DOCK8: variants seen among roughly 807,000 people sequenced by gnomAD.
DOCK8 encodes dedicator of cytokinesis protein 8.
DOCK8 carries 141 observed loss-of-function variants against 245.6 expected under a neutral mutation model. That is an observed-to-expected ratio of 0.57 (90% CI 0.50 to 0.66). The LOEUF is 0.66. Ranked by LOEUF, DOCK8 falls within the 30% of genes least tolerant of loss-of-function variation. The pLI is 0.00. For missense variants in DOCK8, 2,965 were observed against 2,603.4 expected (o/e 1.14, Z -3.02); for synonymous variants, 1,168 against 970.2 (o/e 1.20, Z -3.79).
intron 26 of DOCK8, among the ~76,000 whole-genome samples, chr9:400,952 A>ATCACCACCACCT: frequency 1.5e-5 from 1 of 67,484 alleles, no homozygotes; most frequent in South Asian, 7.0e-4. Context: ...CACCATCACC[A>ATCACCACCACCT]CCACCACCAC....
At chr9:453,159 C>T (rs1340555621) in intron 46 of DOCK8, among the ~76,000 whole-genome samples, 2 of 152,146 alleles carry the variant, frequency 1.3e-5, no homozygotes, top group African/African-American at 4.8e-5. Flanking sequence ...GCGAGAGGTC[C>T]GCAATTTTGC....
chr9:395,768 A>C (rs1276482019), intron 24 of DOCK8, among the ~76,000 whole-genome samples: 1 of 152,152 alleles, frequency 6.6e-6, no homozygotes, highest in East Asian at 1.9e-4. Context: ...ATGTCCAAAA[A>C]ATAAGCATGA....
chr9:243,772 T>C (rs2047435118), intron 1 of DOCK8, among the ~76,000 whole-genome samples: 1 of 151,970 alleles, frequency 6.6e-6, no homozygotes, highest in Non-Finnish European at 1.5e-5. Context: ...TTTCTCAGAG[T>C]GTGTCAATGA....
rs558305298 is a variant in DOCK8, at chr9:380,075, T to C, written c.2605+140T>C. ...ACCCCAGCACTCTAGGAGGCTGAGA[T>C]GGCAGGATCGCTTGGAGCAGTGGCT... On this transcript the variant is annotated intron_variant, in intron 21 of 47. Coordinates refer to ENST00000432829, the MANE Select transcript of DOCK8 (RefSeq NM_203447.4). 4.5e-4 allele frequency: 304 copies of C among 668,582 alleles called. 3 individuals carry two copies. The African/African-American group carries it at 4.6e-3, about 10-fold the overall frequency. The allele number at this position is 668,582 out of a possible 1,614,324, so 41.4% of individuals were successfully genotyped here.
chr9:288,384 A>G (rs1563879354), intron 3 of DOCK8, among the ~76,000 whole-genome samples: 1 of 152,186 alleles, frequency 6.6e-6, no homozygotes, highest in Non-Finnish European at 1.5e-5. Flanking sequence ...TCCCTGCTCC[A>G]CCACTTGCTG....
At position 289,384 on chromosome 9, in the gene DOCK8, A is replaced by C. The variant is rs1190481362; in HGVS notation, c.333-126A>C. 1.0e-5 allele frequency: 8 copies of C among 764,746 alleles called. No homozygotes were observed. In the East Asian group the frequency reaches 2.2e-4, roughly 21 times the overall value. 47.4% of individuals were successfully genotyped at this position (764,746 alleles called of 1,614,324 possible). On this transcript the variant is annotated intron_variant, in intron 3 of 47. Coordinates refer to ENST00000432829, the MANE Select transcript of DOCK8 (RefSeq NM_203447.4). ...CTTCAGACATTTGGAATGATTGGGCAAGAACATCCTAAGCATTCTCACTGA... is the reference window on the plus strand; with the variant it reads ...CTTCAGACATTTGGAATGATTGGGCCAGAACATCCTAAGCATTCTCACTGA...
At chr9:370,431 C>A in intron 16 of DOCK8, 131 bp downstream of exon 16, 1 of 791,480 alleles carries the variant, frequency 1.3e-6, no homozygotes, top group Non-Finnish European at 2.2e-6. Context: ...GAAATCCATG[C>A]CAGTTCCGTG....
In DOCK8 at chr9:397,951, CAT is replaced by C. The variant is rs563260501; in HGVS notation, c.3120+1023_3120+1024del. Among the ~76,000 whole-genome samples the C allele has an allele frequency of 4.6e-3, 705 of 152,266 alleles. 4 individuals carry two copies. The highest frequency in any genetic ancestry group is 7.5e-3 in the Non-Finnish European group (508 of 68,006). Reference sequence around the variant, plus strand: ...AATTGTTTCAGAATAAAAGCTAAAACATATATAAAATGGAATAAATCAAATGT... The same window carrying C: ...AATTGTTTCAGAATAAAAGCTAAAACATATAAAATGGAATAAATCAAATGT... On this transcript the variant is annotated intron_variant, in intron 25 of 47. Transcript: ENST00000432829.
chr9:386,802 T>C (rs953568335), intron 23 of DOCK8, among the ~76,000 whole-genome samples: 1 of 152,222 alleles, frequency 6.6e-6, no homozygotes, highest in Non-Finnish European at 1.5e-5. Flanking sequence ...ACCACTGCAT[T>C]GGCCTCCTTT....
intron 38 of DOCK8, 31 bp from the exon 39 acceptor site, chr9:434,752 C>A: frequency 6.2e-7 from 1 of 1,612,034 alleles, no homozygotes; most frequent in Non-Finnish European, 8.5e-7. Flanking sequence ...CCACTGTCCT[C>A]AAAACTACTT....
At chr9:255,393 C>A (rs919763540) in intron 1 of DOCK8, among the ~76,000 whole-genome samples, 1 of 152,066 alleles carries the variant, frequency 6.6e-6, no homozygotes. Flanking sequence ...ACAGGCAGAG[C>A]GCGGTGGCTC....
At chr9:325,795 C>A (rs1429782430) in intron 8 of DOCK8, 58 bp downstream of exon 8, 1 of 1,434,424 alleles carries the variant, frequency 7.0e-7, no homozygotes, top group Non-Finnish European at 9.6e-7. Flanking sequence ...TGATTCTTTG[C>A]ATGTATGTTT....
chr9:247,933 G>T (rs191788209), intron 1 of DOCK8, among the ~76,000 whole-genome samples: 116 of 150,120 alleles, frequency 7.7e-4, no homozygotes, highest in African/African-American at 2.7e-3. Flanking sequence ...CTGTTTCATT[G>T]CCCCAATGTA....
chr9:445,527 T>C (rs1423408491), intron 43 of DOCK8, among the ~76,000 whole-genome samples: 2 of 152,236 alleles, frequency 1.3e-5, no homozygotes, highest in East Asian at 3.8e-4. Context: ...TCAGTTTTGG[T>C]GTTTAGTTCT....
chr9:305,758 A>T (rs1018224267), intron 5 of DOCK8, among the ~76,000 whole-genome samples: 5 of 152,206 alleles, frequency 3.3e-5, no homozygotes, highest in African/African-American at 1.2e-4. Flanking sequence ...GCAAGCCTTC[A>T]TTTGCATAAA....
intron 23 of DOCK8, among the ~76,000 whole-genome samples, chr9:390,056 CAACT>C (rs141483523): frequency 0.043 from 6,592 of 151,988 alleles, 198 homozygotes; most frequent in African/African-American, 0.071. Flanking sequence ...TGCCACCAAC[CAACT>C]GATTTTATGG....
intron 1 of DOCK8, among the ~76,000 whole-genome samples, chr9:248,890 A>G (rs1007687059): frequency 2.6e-5 from 4 of 152,190 alleles, no homozygotes; most frequent in African/African-American, 9.6e-5. Context: ...CATAATCTTA[A>G]GGATGGACAT....
chr9:255,668 C>CGAAAAAAAAAAAAAAAA lies in DOCK8; in HGVS notation c.54-15959_54-15958insGAAAAAAAAAAAAAAAA, dbSNP rs1563844740. Reference sequence around the variant, plus strand: ...GGGGGATAGAGCAAGACTCCATCTCCAAAAAAAAAAAAAAAAAAAAAAAAA... The same window carrying CGAAAAAAAAAAAAAAAA: ...GGGGGATAGAGCAAGACTCCATCTCCGAAAAAAAAAAAAAAAAAAAAAAAAAAAAAAAAAAAAAAAAA... On this transcript the variant is annotated intron_variant, in intron 1 of 47. Transcript: ENST00000432829. Among the ~76,000 whole-genome samples the CGAAAAAAAAAAAAAAAA allele has an allele frequency of 8.5e-5, 2 of 23,504 alleles. 1 individual carries two copies. The allele number at this position is 23,504 out of a possible 152,430, so 15.4% of individuals were successfully genotyped here.
rs770754973 is a variant in DOCK8 at position 420,964 on chromosome 9, G to T, written c.4039G>T (p.Asp1347Tyr). The change falls in exon 32 of 48, where the codon GAC becomes TAC. Residue 1347 changes from aspartate to tyrosine, a missense_variant. By Grantham distance (160) the Asp-to-Tyr change is radical. Coordinates refer to ENST00000432829, the MANE Select transcript of DOCK8 (RefSeq NM_203447.4). The stretch of plus-strand genomic sequence containing the variant: ...TCTTGTCCAGGGAAAACAGAGTTCT[G>T]ACAAAGTCAGTACCCAAGTCCTGCA... ...CFEYKGKQSS[D>Y]KVSTQVLQKS... is the part of the protein sequence containing the mutation. 6.2e-7 allele frequency: 1 copy of T among 1,614,196 alleles called. No individual in the cohort carries two copies. Among genetic ancestry groups the T allele is most frequent in the East Asian group, 2.2e-5 (1 of 44,882 alleles).
Sources: gnomAD v4.1 joint callset for allele counts (sites outside exome capture counted in the v4.1 genomes callset) on GRCh38, gnomAD v4.1.1 for gene constraint, MANE v1.5 for transcripts, NCBI Gene and HGNC (gene_info 2026-07-23, HGNC 2026-07-21) for gene names.